The following XKR4 variants were observed in gnomAD, a reference collection of about 807,000 sequenced individuals.
XKR4 encodes the protein XK related 4.
XKR4 carries 12 observed loss-of-function variants against 53.9 expected under a neutral mutation model. The observed-to-expected ratio is 0.22, with a 90% CI of 0.14 to 0.36. The LOEUF is 0.36. XKR4 is among the 10% of genes least tolerant of loss of function. The pLI is 1.00. For missense variants in XKR4, 799 were observed against 859.5 expected (o/e 0.93, Z 0.88); for synonymous variants, 354 against 362.4 (o/e 0.98, Z 0.26).
chr8:55,110,891 A>T (rs377539271), intron 1 of XKR4, among the ~76,000 whole-genome samples: 1 of 152,150 alleles, frequency 6.6e-6, no homozygotes, highest in African/African-American at 2.4e-5. Flanking sequence ...ATCATAAAAC[A>T]TCAATTCTAC....
intron 2 of XKR4, among the ~76,000 whole-genome samples, chr8:55,412,235 G>A (rs937777060): frequency 1.6e-4 from 24 of 152,020 alleles, no homozygotes; most frequent in African/African-American, 5.3e-4. Context: ...ACCAAGCCCC[G>A]GTGCTCATCC....
chr8:55,102,704 C>G lies in XKR4; in HGVS notation c.216C>G (p.Gly72=). The change falls in exon 1 of 3, where the codon GGC becomes GGG. Residue 72 remains glycine, a synonymous_variant. Transcript: ENST00000327381. The surrounding 1 kb of genome is among the most constrained non-coding windows in gnomAD (Gnocchi z 5.1). ...GCTGCTGCTGCTGCGCCGGGAGTGG[C>G]GGCTCCGCGGGCTCGGGCGGCTCCG... ...SRCCCCCAGS[G]GSAGSGGSGG... is the part of the protein sequence containing the mutation. 1 of 1,152,346 alleles carries G rather than the reference C, an allele frequency of 8.7e-7. No individual in the cohort carries two copies. The highest frequency in any genetic ancestry group is 1.1e-6 in the Non-Finnish European group (1 of 934,046). 71.4% of individuals were successfully genotyped at this position (1,152,346 alleles called of 1,614,324 possible). A position where few individuals can be genotyped will look rare whatever the true frequency, so the allele number is the denominator to read the frequency against.
chr8:55,366,835 T>A (rs1043312124), intron 2 of XKR4, among the ~76,000 whole-genome samples: 1 of 152,142 alleles, frequency 6.6e-6, no homozygotes, highest in African/African-American at 2.4e-5. Flanking sequence ...TTATCAGTTT[T>A]TCCTCACTCC....
intron 2 of XKR4, among the ~76,000 whole-genome samples, chr8:55,477,814 G>C (rs188760760): frequency 6.6e-6 from 1 of 152,244 alleles, no homozygotes; most frequent in African/African-American, 2.4e-5. Flanking sequence ...AGTGACGGAA[G>C]ATGAAATGAA....
At chr8:55,162,992 C>T (rs1162230915) in intron 1 of XKR4, among the ~76,000 whole-genome samples, 2 of 152,030 alleles carry the variant, frequency 1.3e-5, no homozygotes, top group African/African-American at 2.4e-5. Context: ...TTGTAAAATG[C>T]TTTACATTTT....
At chr8:55,201,598 A>C (rs184144516) in intron 1 of XKR4, among the ~76,000 whole-genome samples, 51 of 152,324 alleles carry the variant, frequency 3.3e-4, no homozygotes, top group African/African-American at 1.1e-3. Flanking sequence ...CCCTGTCTCT[A>C]GAATGCTTGC....
At chr8:55,253,632 G>T (rs1818391539) in intron 1 of XKR4, among the ~76,000 whole-genome samples, 1 of 152,078 alleles carries the variant, frequency 6.6e-6, no homozygotes, top group African/African-American at 2.4e-5. Context: ...ATTTTATTTA[G>T]AGAAGATCAA....
chr8:55,112,696 T>C (rs1461706762), intron 1 of XKR4, among the ~76,000 whole-genome samples: 1 of 150,620 alleles, frequency 6.6e-6, no homozygotes, highest in Non-Finnish European at 1.5e-5. Context: ...AGTCACTGTA[T>C]CAGTGTGACG....
In XKR4 at chr8:55,102,433, AGACAGC is replaced by A; in HGVS notation, c.-54_-49del. Reference sequence around the variant, plus strand: ...GAGGCGAGGAGGTGGCGGGAGGAGGAGACAGCGGGGAAAGGTGTCAGATAAAGGAGG... The same window carrying A: ...GAGGCGAGGAGGTGGCGGGAGGAGGAGGGGAAAGGTGTCAGATAAAGGAGG... On this transcript the variant is annotated 5_prime_UTR_variant, in exon 1 of 3. Coordinates refer to ENST00000327381, the MANE Select transcript of XKR4 (RefSeq NM_052898.2). The surrounding 1 kb of genome is among the most constrained non-coding windows in gnomAD (Gnocchi z 5.1). 8 of 1,499,098 alleles carry A rather than the reference AGACAGC, an allele frequency of 5.3e-6. No individual in the cohort carries two copies. Among genetic ancestry groups the A allele is most frequent in the Non-Finnish European group, 7.2e-6 (8 of 1,116,222 alleles). The allele number at this position is 1,499,098 out of a possible 1,614,324, so 92.9% of individuals were successfully genotyped here.
At chr8:55,157,694 G>A (rs1033784533) in intron 1 of XKR4, among the ~76,000 whole-genome samples, 9 of 152,028 alleles carry the variant, frequency 5.9e-5, no homozygotes, top group Non-Finnish European at 1.2e-4. Flanking sequence ...CCTCAAGTAG[G>A]CCCCAATGTC....
At chr8:55,107,963 T>A (rs779162381) in intron 1 of XKR4, among the ~76,000 whole-genome samples, 3 of 152,204 alleles carry the variant, frequency 2.0e-5, no homozygotes, top group Non-Finnish European at 4.4e-5. Context: ...GAATAACATA[T>A]ATATATTTCA....
intron 1 of XKR4, among the ~76,000 whole-genome samples, chr8:55,135,899 TTTTTTG>T (rs1816621629): frequency 6.6e-6 from 1 of 151,770 alleles, no homozygotes; most frequent in African/African-American, 2.4e-5. Context: ...CTTTTTTTTT[TTTTTTG>T]TTTTTTTGAG....
chr8:55,191,814 C>G (rs1313164443), intron 1 of XKR4, among the ~76,000 whole-genome samples: 1 of 151,892 alleles, frequency 6.6e-6, no homozygotes, highest in African/African-American at 2.4e-5. Context: ...AGAACATTCC[C>G]ACTTTTTGAC....
At chr8:55,505,192 G>A (rs1313684830) in intron 2 of XKR4, among the ~76,000 whole-genome samples, 1 of 152,054 alleles carries the variant, frequency 6.6e-6, no homozygotes, top group East Asian at 1.9e-4. Context: ...ATCTATAGAT[G>A]TTTTAGCTTA....
intron 1 of XKR4, among the ~76,000 whole-genome samples, chr8:55,262,495 G>A (rs1477263726): frequency 2.6e-5 from 4 of 152,244 alleles, no homozygotes; most frequent in Non-Finnish European, 5.9e-5. Flanking sequence ...CAGGAAGGTA[G>A]AGCCCCAGTG....
chr8:55,286,151 G>A (rs1466102254), intron 1 of XKR4, among the ~76,000 whole-genome samples: 1 of 152,162 alleles, frequency 6.6e-6, no homozygotes, highest in African/African-American at 2.4e-5. Flanking sequence ...AAAACAAAGA[G>A]GGTCTCCTCC....
intron 1 of XKR4, among the ~76,000 whole-genome samples, chr8:55,166,395 A>C (rs1369047019): frequency 6.6e-6 from 1 of 152,166 alleles, no homozygotes; most frequent in East Asian, 1.9e-4. Context: ...TTTAAAGGGA[A>C]ATATTTTATC....
At chr8:55,377,554 G>A (rs1804168797) in intron 2 of XKR4, among the ~76,000 whole-genome samples, 1 of 151,952 alleles carries the variant, frequency 6.6e-6, no homozygotes, top group Non-Finnish European at 1.5e-5. Flanking sequence ...CCCTTAAGGA[G>A]CAACAAAAGA....
intron 1 of XKR4, among the ~76,000 whole-genome samples, chr8:55,126,441 G>A (rs1816470113): frequency 6.6e-6 from 1 of 152,218 alleles, no homozygotes; most frequent in Admixed American, 6.5e-5. Flanking sequence ...TCGAGGCTTG[G>A]TTCTGCAATC....
Sources: gnomAD v4.1 joint callset for allele counts (sites outside exome capture counted in the v4.1 genomes callset) on GRCh38, gnomAD v4.1.1 for gene constraint, Gnocchi (gnomAD v3.1) non-coding constraint, MANE v1.5 for transcripts, NCBI Gene and HGNC (gene_info 2026-07-23, HGNC 2026-07-21) for gene names.